The following PRKCA variants were observed in gnomAD, a reference collection of about 807,000 sequenced individuals.
The protein encoded by PRKCA is protein kinase C alpha.
PRKCA carries 27 observed loss-of-function variants against 87.0 expected under a neutral mutation model. The observed-to-expected ratio is 0.31, with a 90% confidence interval of 0.23 to 0.43. The LOEUF (loss-of-function observed/expected upper bound fraction) is 0.43, where lower values mean the gene tolerates loss of function less well. Ranked by LOEUF, PRKCA falls within the 20% of genes least tolerant of loss-of-function variation. The pLI is 1.00. For synonymous variants in PRKCA, 329 were observed against 311.1 expected, an observed-to-expected ratio of 1.06 and a Z score of -0.61; for missense variants, 518 against 852.3, an observed-to-expected ratio of 0.61 and a Z score of 4.88.
At chr17:66,716,461 G>C (rs1973475258) in intron 8 of PRKCA, among the ~76,000 whole-genome samples, 2 of 152,316 alleles carry the variant, frequency 1.3e-5, no homozygotes, top group South Asian at 2.1e-4. Flanking sequence ...TCCCTGGTGG[G>C]AGAAAAACAT....
chr17:66,431,744 G>A (rs565889547), intron 2 of PRKCA, among the ~76,000 whole-genome samples: 8 of 152,218 alleles, frequency 5.3e-5, no homozygotes, highest in African/African-American at 1.9e-4. Flanking sequence ...TGATTCCTGA[G>A]TTGGACACAT....
intron 13 of PRKCA, among the ~76,000 whole-genome samples, chr17:66,753,982 G>A (rs1049336830): frequency 3.9e-5 from 6 of 152,078 alleles, no homozygotes; most frequent in Non-Finnish European, 8.8e-5. Context: ...AGGTACTTGT[G>A]TCAAGGGGTG....
intron 2 of PRKCA, among the ~76,000 whole-genome samples, chr17:66,481,367 G>A (rs1400954005): frequency 6.6e-6 from 1 of 152,132 alleles, no homozygotes; most frequent in Non-Finnish European, 1.5e-5. Context: ...TATCCACTGT[G>A]TGTCTACATT....
At chr17:66,524,275 A>G (rs551202114) in intron 3 of PRKCA, among the ~76,000 whole-genome samples, 1 of 152,290 alleles carries the variant, frequency 6.6e-6, no homozygotes, top group South Asian at 2.1e-4. Context: ...TGTTTTGCTA[A>G]TTTGTTGCTT....
intron 8 of PRKCA, among the ~76,000 whole-genome samples, chr17:66,693,098 G>A (rs886352553): frequency 6.6e-6 from 1 of 152,214 alleles, no homozygotes; most frequent in Non-Finnish European, 1.5e-5. Flanking sequence ...ATAATTAGGT[G>A]GAAAGTTTTT....
At chr17:66,337,208 T>A (rs1191883006) in intron 2 of PRKCA, among the ~76,000 whole-genome samples, 1 of 152,050 alleles carries the variant, frequency 6.6e-6, no homozygotes, top group Admixed American at 6.5e-5. Flanking sequence ...GGAGGTTACA[T>A]GGGGACTCTG....
intron 2 of PRKCA, among the ~76,000 whole-genome samples, chr17:66,383,511 A>G (rs1385299716): frequency 6.6e-6 from 1 of 152,214 alleles, no homozygotes; most frequent in Non-Finnish European, 1.5e-5. Flanking sequence ...CTCAGAAGTC[A>G]TGATAAAACC....
Position 66,400,493 on chromosome 17 carries a change from G to A in PRKCA, c.205+94366G>A, listed in dbSNP as rs1038677260. 7.9e-5 allele frequency among the ~76,000 whole-genome samples: 12 copies of A among 152,096 alleles called. 1 individual carries two copies. The highest frequency in any genetic ancestry group is 2.9e-4 in the African/African-American group (12 of 41,420). On this transcript the variant is annotated intron_variant, in intron 2 of 16. Coordinates refer to ENST00000413366, the MANE Select transcript of PRKCA (RefSeq NM_002737.3). The stretch of plus-strand genomic sequence containing the variant: ...TTGAAACAGACCTCCAGAACTTTTC[G>A]TCTTGCAAAACTGAAACTGTCTGCC...
chr17:66,310,325 T>A (rs1270209996), intron 2 of PRKCA, among the ~76,000 whole-genome samples: 1 of 152,110 alleles, frequency 6.6e-6, no homozygotes, highest in Non-Finnish European at 1.5e-5. Context: ...TTAAGCTCTG[T>A]CAGTAACCAT....
chr17:66,603,642 G>T (rs1970121861), intron 3 of PRKCA, among the ~76,000 whole-genome samples: 1 of 152,092 alleles, frequency 6.6e-6, no homozygotes, highest in African/African-American at 2.4e-5. Context: ...TTTAACTGTG[G>T]AATGTACAGT....
chr17:66,580,554 A>G (rs147366083), intron 3 of PRKCA, among the ~76,000 whole-genome samples: 12 of 152,354 alleles, frequency 7.9e-5, no homozygotes, highest in Admixed American at 2.0e-4. Flanking sequence ...CATCTCAGCA[A>G]TCCAAGGACA....
intron 8 of PRKCA, among the ~76,000 whole-genome samples, chr17:66,727,836 G>A (rs998844551): frequency 1.4e-4 from 21 of 152,226 alleles, no homozygotes; most frequent in African/African-American, 5.1e-4. Context: ...CAAGCCTCGC[G>A]CTGCATCTGA....
At chr17:66,595,664 T>C (rs1969953519) in intron 3 of PRKCA, among the ~76,000 whole-genome samples, 1 of 152,030 alleles carries the variant, frequency 6.6e-6, no homozygotes, top group African/African-American at 2.4e-5. Flanking sequence ...GGTTTCACCA[T>C]GTTAGCTAGG....
intron 13 of PRKCA, among the ~76,000 whole-genome samples, chr17:66,747,905 A>C (rs1337757508): frequency 6.6e-6 from 1 of 152,196 alleles, no homozygotes; most frequent in Non-Finnish European, 1.5e-5. Context: ...AGTGCTGGGC[A>C]CTGTTCCAGG....
chr17:66,473,531 C>T (rs1331359448), intron 2 of PRKCA, among the ~76,000 whole-genome samples: 1 of 152,140 alleles, frequency 6.6e-6, no homozygotes, highest in African/African-American at 2.4e-5. Context: ...CTTTCCCATT[C>T]TACTGTTGTT....
intron 2 of PRKCA, among the ~76,000 whole-genome samples, chr17:66,380,047 GAATA>G (rs2143582892): frequency 6.6e-6 from 1 of 152,098 alleles, no homozygotes; most frequent in East Asian, 1.9e-4. Flanking sequence ...TTTTTTAAGG[GAATA>G]AATAAATGCC....
chr17:66,808,969 A>G lies in PRKCA; in HGVS notation c.*4932A>G, dbSNP rs1976105454. Reference sequence around the variant, plus strand: ...CATGATCTGCCTGCCTCGGCCTCCCAAAGTGCTGGGATTACAGGCATGAGC... The same window carrying G: ...CATGATCTGCCTGCCTCGGCCTCCCGAAGTGCTGGGATTACAGGCATGAGC... On this transcript the variant is annotated 3_prime_UTR_variant, in exon 17 of 17. Transcript: ENST00000413366. 1 of 152,270 alleles carries G rather than the reference A, an allele frequency of 6.6e-6. No homozygotes were observed. Among genetic ancestry groups the G allele is most frequent in the African/African-American group, 2.4e-5 (1 of 41,464 alleles). 9.4% of individuals were successfully genotyped at this position (152,270 alleles called of 1,614,324 possible).
intron 3 of PRKCA, among the ~76,000 whole-genome samples, chr17:66,559,023 C>G (rs1514656): frequency 0.6 from 90,620 of 151,592 alleles, 28,342 homozygotes; most frequent in African/African-American, 0.8. Flanking sequence ...CCCATGCATT[C>G]GAACAGGCTG....
intron 3 of PRKCA, among the ~76,000 whole-genome samples, chr17:66,541,981 C>T (rs543909457): frequency 1.2e-4 from 19 of 152,286 alleles, no homozygotes; most frequent in African/African-American, 1.4e-4. Context: ...CAAGCCACCA[C>T]GTGGAATCTC....
Sources: gnomAD v4.1 joint callset for allele counts (sites outside exome capture counted in the v4.1 genomes callset) on GRCh38, gnomAD v4.1.1 for gene constraint, MANE v1.5 for transcripts, NCBI Gene and HGNC (gene_info 2026-07-23, HGNC 2026-07-21) for gene names.